ARHGAP1: variants seen among roughly 807,000 people sequenced by gnomAD.
The protein encoded by ARHGAP1 is Rho GTPase activating protein 1, also known as rho GTPase-activating protein 1.
Under a neutral mutation model 52.2 loss-of-function variants are expected in ARHGAP1, and 23 were observed. The observed-to-expected ratio is 0.44, with a 90% confidence interval of 0.32 to 0.62. The LOEUF (loss-of-function observed/expected upper bound fraction) is 0.62. Among genes scored for constraint, ARHGAP1 ranks in the 20% least tolerant of loss-of-function variants. The probability of loss-of-function intolerance (pLI) is 0.05; values close to 1 mark genes in which losing one functional copy is unlikely to be tolerated. For missense variants in ARHGAP1, 480 were observed against 560.9 expected, an observed-to-expected ratio of 0.86 and a Z score of 1.46; for synonymous variants, 210 against 228.4, an observed-to-expected ratio of 0.92 and a Z score of 0.73.
At chr11:46,693,662 C>A (rs905713176) in intron 3 of ARHGAP1, among the ~76,000 whole-genome samples, 2 of 152,142 alleles carry the variant, frequency 1.3e-5, no homozygotes, top group Non-Finnish European at 2.9e-5. Context: ...TAATCACCAA[C>A]AGGTCTCCCC....
At chr11:46,683,177 C>A (rs182069153) in intron 4 of ARHGAP1, among the ~76,000 whole-genome samples, 1 of 151,728 alleles carries the variant, frequency 6.6e-6, no homozygotes, top group Admixed American at 6.6e-5. Flanking sequence ...TAGTAGGAAC[C>A]GCAGGTGTGA....
At chr11:46,691,040 C>T (rs949085522) in intron 3 of ARHGAP1, among the ~76,000 whole-genome samples, 2 of 152,104 alleles carry the variant, frequency 1.3e-5, no homozygotes, top group African/African-American at 4.8e-5. Context: ...AGGCACATGC[C>T]ATCCCACCTG....
At position 46,681,039 on chromosome 11, in the gene ARHGAP1, G is replaced by C; in HGVS notation, c.607C>G (p.Gln203Glu). The C allele has an allele frequency of 6.2e-7, 1 of 1,614,188 alleles. No homozygotes were observed. Among genetic ancestry groups the C allele is most frequent in the African/African-American group, 1.3e-5 (1 of 75,064 alleles). The stretch of plus-strand genomic sequence containing the variant: ...AGCACTTGGCGAGGGATCCCCAGCT[G>C]CTCCAGCTTCACGTGCTCGCTCAGC... ...SELSEHVKLE[Q>E]LGIPRQVLKY... Residue 203 changes from glutamine to glutamate, a missense_variant, in exon 7 of 13, where the codon CAG (glutamine) becomes GAG (glutamate). Gln to Glu is a conservative substitution (Grantham distance 29). Transcript: ENST00000311956. This position sits in a 1 kb window ranked among gnomAD's most constrained non-coding sequence, Gnocchi z 5.7.
rs577688051 is a variant in ARHGAP1 at position 46,678,136 on chromosome 11, C to G, written c.*901G>C. ...AAGATCCTGAGGCACTGAGTCACCT[C>G]TGGCTGGGGCAGGGGCCAGTGTGAC... is the stretch of plus-strand genomic sequence containing the variant. On this transcript the variant is annotated 3_prime_UTR_variant, in exon 13 of 13. Transcript: ENST00000311956. 3.4e-5 allele frequency: 10 copies of G among 293,164 alleles called. No individual in the cohort carries two copies. Among genetic ancestry groups the G allele is most frequent in the South Asian group, 2.6e-4 (10 of 38,334 alleles). The allele number at this position is 293,164 out of a possible 1,614,324, so 18.2% of individuals were successfully genotyped here. A position where few individuals can be genotyped will look rare whatever the true frequency, so the allele number is the denominator to read the frequency against.
chr11:46,697,556 G>C (rs932455415), intron 1 of ARHGAP1: 1 of 152,126 alleles, frequency 6.6e-6, no homozygotes, highest in Non-Finnish European at 1.5e-5. Context: ...TCACATCACA[G>C]CCAAGGGCCC....
Position 46,679,962 on chromosome 11 carries a change from G to A in ARHGAP1, c.899-186C>T. 1 of 1,124,426 alleles carries A rather than the reference G, an allele frequency of 8.9e-7. No homozygotes were observed. The allele number at this position is 1,124,426 out of a possible 1,614,324, so 69.7% of individuals were successfully genotyped here. A position where few individuals can be genotyped will look rare whatever the true frequency, so the allele number is the denominator to read the frequency against. ...GAGAATGCAGGTTCCGGCCATCTGGGGAAGTGGGGCCCGGCACACCCCACC... is the reference window on the plus strand; with the variant it reads ...GAGAATGCAGGTTCCGGCCATCTGGAGAAGTGGGGCCCGGCACACCCCACC... On this transcript the variant is annotated intron_variant, in intron 10 of 12. Coordinates refer to ENST00000311956, the MANE Select transcript of ARHGAP1 (RefSeq NM_004308.5). The surrounding 1 kb of genome is among the most constrained non-coding windows in gnomAD (Gnocchi z 4.4).
intron 4 of ARHGAP1, among the ~76,000 whole-genome samples, chr11:46,683,372 A>T (rs961314312): frequency 6.6e-6 from 1 of 152,042 alleles, no homozygotes; most frequent in Non-Finnish European, 1.5e-5. Context: ...ACCATGGGAC[A>T]GCTTTGCCTT....
At position 46,692,543 on chromosome 11, in the gene ARHGAP1, G is replaced by C. The variant is rs558905352; in HGVS notation, c.229+3117C>G. 1.5e-3 allele frequency among the ~76,000 whole-genome samples: 226 copies of C among 152,262 alleles called. 3 individuals are homozygous for C. Among genetic ancestry groups the C allele is most frequent in the Non-Finnish European group, 2.5e-3 (170 of 68,022 alleles). On this transcript the variant is annotated intron_variant, in intron 3 of 12. Transcript: ENST00000311956. ...TAGCAACTGGTTAGGGAAGCTGTTG[G>C]GGGGAGGGCTGGAGGCCTGTGGTGT...
intron 4 of ARHGAP1, 156 bp downstream of exon 4, chr11:46,688,017 T>G (rs772392408): frequency 4.5e-6 from 3 of 669,096 alleles, no homozygotes; most frequent in Non-Finnish European, 7.4e-6. Context: ...TCCAGTGCTC[T>G]CCCCTAAATA....
At chr11:46,691,030 A>C (rs1749828179) in intron 3 of ARHGAP1, among the ~76,000 whole-genome samples, 1 of 152,134 alleles carries the variant, frequency 6.6e-6, no homozygotes, top group Admixed American at 6.6e-5. Flanking sequence ...CTAGGACTAC[A>C]GGCACATGCC....
chr11:46,688,112 G>A (rs2064585050), intron 4 of ARHGAP1, 61 bp downstream of exon 4: 1 of 1,514,536 alleles, frequency 6.6e-7, no homozygotes. Context: ...TAAAGAACGT[G>A]GCATTAGGCT....
At chr11:46,694,806 G>A (rs1354674303) in intron 3 of ARHGAP1, among the ~76,000 whole-genome samples, 3 of 152,192 alleles carry the variant, frequency 2.0e-5, no homozygotes, top group African/African-American at 7.2e-5. Context: ...GACGTTCGGG[G>A]CAATCCTCTC....
rs868227132 is a variant in ARHGAP1 at position 46,680,250 on chromosome 11, C to T, written c.853G>A (p.Ala285Thr). ...ACTTCCCGGACCACTTGGGTGTTGG[C>T]CGACCTCCGGAAGATGCCCTCGGTG... ...LTTEGIFRRS[A>T]NTQVVREVQQ... Residue 285 changes from alanine (A) to threonine (T), a missense_variant, in exon 10 of 13, where the codon GCC becomes ACC. Ala to Thr is a moderately conservative substitution (Grantham distance 58). Transcript: ENST00000311956. The surrounding 1 kb of genome is among the most constrained non-coding windows in gnomAD (Gnocchi z 5.9). 6.2e-7 allele frequency: 1 copy of T among 1,614,052 alleles called. No homozygotes were observed.
At chr11:46,684,633 T>C (rs1693210787) in intron 4 of ARHGAP1, among the ~76,000 whole-genome samples, 1 of 152,192 alleles carries the variant, frequency 6.6e-6, no homozygotes, top group Admixed American at 6.5e-5. Flanking sequence ...GTTTATGCCC[T>C]TTGTAGGGTG....
In ARHGAP1 at chr11:46,679,440, C is replaced by T. The variant is rs752225067; in HGVS notation, c.1056G>A (p.Ala352=). ...GCAGCGTCTGGAGGACCTGCAGTGT[C>T]GCTGGCACCCTCTGGCTTTCATCAA... The part of the protein sequence containing the change: ...LNIDESQRVP[A]TLQVLQTLPE... Residue 352 remains alanine (A), a synonymous_variant, in exon 12 of 13, where the codon GCG becomes GCA. Transcript: ENST00000311956. The surrounding 1 kb of genome is among the most constrained non-coding windows in gnomAD (Gnocchi z 4.4). 6 of 1,614,146 alleles carry T rather than the reference C, an allele frequency of 3.7e-6. No homozygotes were observed. The highest frequency in any genetic ancestry group is 1.6e-4 in the Middle Eastern group (1 of 6,062).
chr11:46,698,047 C>G (rs895748428), intron 1 of ARHGAP1, among the ~76,000 whole-genome samples: 1 of 152,182 alleles, frequency 6.6e-6, no homozygotes, highest in African/African-American at 2.4e-5. Flanking sequence ...GCCCAGGGAC[C>G]AGGGGCTCCT....
rs2064694084 is a variant in ARHGAP1, at chr11:46,700,531, C to T, written c.-50+20G>A. The T allele has an allele frequency of 5.8e-6, 1 of 172,292 alleles. No individual in the cohort carries two copies. Among genetic ancestry groups the T allele is most frequent in the Non-Finnish European group, 1.3e-5 (1 of 79,490 alleles). 10.7% of individuals were successfully genotyped at this position (172,292 alleles called of 1,614,324 possible). On this transcript the variant is annotated intron_variant, in intron 1 of 12. Transcript: ENST00000311956. ...CTTTCCCCATCCCCACCCGGGGAGA[C>T]CCCGCGCCCAGCAGCTCACCGCGCT... is the stretch of plus-strand genomic sequence containing the variant.
At position 46,679,046 on chromosome 11, in the gene ARHGAP1, G is replaced by A. The variant is rs563172197; in HGVS notation, c.1311C>T (p.Ser437=). Residue 437 remains serine, a synonymous_variant, in exon 13 of 13, where the codon AGC becomes AGT. Transcript: ENST00000311956. The surrounding 1 kb of genome is among the most constrained non-coding windows in gnomAD (Gnocchi z 4.4). ...GGGGCAGGGGCCAGGTTCAGAGCCC[G>A]CTGGGGTCCGGGCTTGGGAACAGCT... The part of the protein sequence containing the change: ...QGELFPSPDP[S]GL 110 of 1,614,134 alleles carry A rather than the reference G, an allele frequency of 6.8e-5. No homozygotes were observed. Among genetic ancestry groups the A allele is most frequent in the Non-Finnish European group, 7.9e-5 (93 of 1,179,990 alleles).
At chr11:46,689,104 T>C (rs2064592897) in intron 3 of ARHGAP1, among the ~76,000 whole-genome samples, 1 of 149,968 alleles carries the variant, frequency 6.7e-6, no homozygotes, top group Non-Finnish European at 1.5e-5. Flanking sequence ...AAAAAAGTTA[T>C]GCCTGGTGCA....
Sources: gnomAD v4.1 joint callset for allele counts (sites outside exome capture counted in the v4.1 genomes callset) on GRCh38, gnomAD v4.1.1 for gene constraint, Gnocchi (gnomAD v3.1) non-coding constraint, MANE v1.5 for transcripts, NCBI Gene and HGNC (gene_info 2026-07-23, HGNC 2026-07-21) for gene names.